The following PPP1R21 variants were observed in gnomAD, a reference collection of about 807,000 sequenced individuals.
PPP1R21 encodes the protein protein phosphatase 1 regulatory subunit 21, also known as KLRAQ motif containing 1.
PPP1R21 carries 85 observed loss-of-function variants against 112.8 expected under a neutral mutation model. The observed-to-expected ratio is 0.75, with a 90% CI of 0.63 to 0.90. The LOEUF (loss-of-function observed/expected upper bound fraction) is 0.90, where lower values mean the gene tolerates loss of function less well. Ranked by LOEUF, PPP1R21 falls within the 40% of genes least tolerant of loss-of-function variation. PPP1R21 has a pLI of 0.00. For synonymous variants in PPP1R21, 381 were observed against 322.3 expected (o/e 1.18, Z -1.95); for missense variants, 1,199 against 901.5 (o/e 1.33, Z -4.23).
At chr2:48,492,616 A>C (rs1484475230) in intron 15 of PPP1R21, among the ~76,000 whole-genome samples, 2 of 152,208 alleles carry the variant, frequency 1.3e-5, no homozygotes, top group East Asian at 1.9e-4. Flanking sequence ...ACATGGGTGG[A>C]ATATGAGAAG....
At chr2:48,500,979 A>G (rs1030885814) in intron 17 of PPP1R21, among the ~76,000 whole-genome samples, 3 of 152,258 alleles carry the variant, frequency 2.0e-5, no homozygotes, top group South Asian at 2.1e-4. Flanking sequence ...TTCATGACCA[A>G]TGGTCATGGT....
chr2:48,494,924 C>G (rs1183725129), intron 15 of PPP1R21, among the ~76,000 whole-genome samples: 2 of 152,080 alleles, frequency 1.3e-5, no homozygotes, highest in Non-Finnish European at 2.9e-5. Flanking sequence ...CCCGGCTGGT[C>G]TCGAACTCCT....
chr2:48,474,232 A>C (rs1435656302), intron 11 of PPP1R21, among the ~76,000 whole-genome samples: 1 of 152,106 alleles, frequency 6.6e-6, no homozygotes, highest in Non-Finnish European at 1.5e-5. Flanking sequence ...AAAGTACAAA[A>C]ATTAGCCGGG....
chr2:48,499,529 C>T (rs1409266434), intron 17 of PPP1R21, among the ~76,000 whole-genome samples: 1 of 152,100 alleles, frequency 6.6e-6, no homozygotes, highest in Non-Finnish European at 1.5e-5. Context: ...TTGAGACCAG[C>T]TGGGCAGCAT....
chr2:48,466,129 C>G (rs561084244), intron 9 of PPP1R21, among the ~76,000 whole-genome samples: 3 of 152,268 alleles, frequency 2.0e-5, no homozygotes, highest in Admixed American at 1.3e-4. Flanking sequence ...CCCACTGGGT[C>G]CCTCCCATAA....
At chr2:48,459,652 G>A in intron 4 of PPP1R21, 102 bp from the exon 5 acceptor site, 1 of 1,290,002 alleles carries the variant, frequency 7.8e-7, no homozygotes. Context: ...GTCAGCATAT[G>A]GAACCATGTG....
intron 9 of PPP1R21, among the ~76,000 whole-genome samples, chr2:48,468,479 A>C (rs1006989788): frequency 2.6e-5 from 4 of 152,152 alleles, no homozygotes; most frequent in African/African-American, 9.7e-5. Context: ...GCAACATTTT[A>C]ATGTAGTTAT....
chr2:48,453,697 G>GT (rs1667585848), intron 2 of PPP1R21, among the ~76,000 whole-genome samples: 1 of 152,178 alleles, frequency 6.6e-6, no homozygotes, highest in South Asian at 2.1e-4. Flanking sequence ...TGTCAAAAAG[G>GT]TTAGCAGAAT....
Position 48,491,032 on chromosome 2 carries a change from C to A in PPP1R21, c.1461C>A (p.Phe487Leu). The stretch of plus-strand genomic sequence containing the variant: ...ACTTTGTTTAGATTGCATCCTTCTT[C>A]AGCAACAATTTGGACTACTTCATTG... ...TNGAGKIASFFSNNLDYFIAS... is the reference protein window; with the variant it reads ...TNGAGKIASFLSNNLDYFIAS... Residue 487 changes from phenylalanine to leucine, a missense_variant, in exon 15 of 22, where the codon TTC becomes TTA. Coordinates refer to ENST00000294952, the MANE Select transcript of PPP1R21 (RefSeq NM_001135629.3). The A allele has an allele frequency of 6.2e-7, 1 of 1,613,990 alleles. No homozygotes were observed. The highest frequency in any genetic ancestry group is 8.5e-7 in the Non-Finnish European group (1 of 1,179,864).
In PPP1R21 at chr2:48,511,370, G is replaced by C. The variant is rs146723804; in HGVS notation, c.2215G>C (p.Glu739Gln). Residue 739 changes from glutamate (E) to glutamine (Q), a missense_variant, in exon 21 of 22, where the codon GAG becomes CAG. Transcript: ENST00000294952. ...GCTGACAACTACCAAGAGGAGTTACGAGGATCAGTTAAGTATGATGAGTGA... is the reference window on the plus strand; with the variant it reads ...GCTGACAACTACCAAGAGGAGTTACCAGGATCAGTTAAGTATGATGAGTGA... ...DELTTTKRSY[E>Q]DQLSMMSDHL... is the part of the protein sequence containing the mutation. 5 of 1,613,866 alleles carry C rather than the reference G, an allele frequency of 3.1e-6. No homozygotes were observed. The highest frequency in any genetic ancestry group is 2.2e-5 in the South Asian group (2 of 91,044).
intron 20 of PPP1R21, 58 bp downstream of exon 20, chr2:48,510,171 G>A (rs745768755): frequency 3.3e-5 from 42 of 1,289,078 alleles, no homozygotes; most frequent in Middle Eastern, 3.9e-4. Flanking sequence ...TTCTTTGGTA[G>A]CAAAGCAGCA....
Position 48,475,524 on chromosome 2 carries a change from A to G in PPP1R21, c.1225+705A>G, listed in dbSNP as rs113876037. Reference sequence around the variant, plus strand: ...GGGGAGCTTTAGTAGTAAAAATGCCATTTGTTCCCCTTTGGCCTAACTTCA... The same window carrying G: ...GGGGAGCTTTAGTAGTAAAAATGCCGTTTGTTCCCCTTTGGCCTAACTTCA... On this transcript the variant is annotated intron_variant, in intron 12 of 21. Transcript: ENST00000294952. Among the ~76,000 whole-genome samples the G allele has an allele frequency of 1.4e-3, 218 of 152,048 alleles. 1 individual carries two copies. The highest frequency in any genetic ancestry group is 5.1e-3 in the African/African-American group (210 of 41,476).
chr2:48,495,268 A>G (rs1319811712), intron 15 of PPP1R21, among the ~76,000 whole-genome samples: 1 of 151,836 alleles, frequency 6.6e-6, no homozygotes, highest in East Asian at 1.9e-4. Flanking sequence ...CAATGGCACA[A>G]TCTCTGCTCA....
intron 15 of PPP1R21, among the ~76,000 whole-genome samples, chr2:48,491,568 A>T (rs1362890824): frequency 6.6e-6 from 1 of 152,052 alleles, no homozygotes; most frequent in Non-Finnish European, 1.5e-5. Flanking sequence ...AAGAGAGAAG[A>T]TACTGCAGTA....
In PPP1R21 at chr2:48,465,592, AT is replaced by A; in HGVS notation, c.852del (p.Pro285LeufsTer12). On this transcript the variant is annotated frameshift_variant, in exon 9 of 22. Coordinates refer to ENST00000294952, the MANE Select transcript of PPP1R21 (RefSeq NM_001135629.3). LOFTEE classifies it high-confidence loss of function. ...TACCTACACAGAACAGAGGATTCAA[AT>A]TTTTCCTGTTGATTCTGCCATTGAC... ...FHTYTEQRIQ[I>X]FPVDSAIDTI... The A allele has an allele frequency of 3.7e-6, 6 of 1,613,848 alleles. No homozygotes were observed. Among genetic ancestry groups the A allele is most frequent in the Non-Finnish European group, 5.1e-6 (6 of 1,179,896 alleles).
intron 2 of PPP1R21, among the ~76,000 whole-genome samples, chr2:48,451,369 GCTT>G (rs1195600915): frequency 1.3e-5 from 2 of 152,186 alleles, no homozygotes; most frequent in African/African-American, 4.8e-5. Context: ...GATTATTAAG[GCTT>G]CTTATCAGTT....
intron 14 of PPP1R21, among the ~76,000 whole-genome samples, chr2:48,488,809 T>G (rs1401970171): frequency 6.6e-6 from 1 of 152,198 alleles, no homozygotes; most frequent in Non-Finnish European, 1.5e-5. Context: ...ATTAACCTAA[T>G]TTTACAGTTT....
At chr2:48,513,262 T>C (rs1670720794) in intron 21 of PPP1R21, among the ~76,000 whole-genome samples, 1 of 151,916 alleles carries the variant, frequency 6.6e-6, no homozygotes, top group Non-Finnish European at 1.5e-5. Flanking sequence ...TGGAGTGCAG[T>C]GGTGAGATCT....
intron 9 of PPP1R21, among the ~76,000 whole-genome samples, chr2:48,466,717 C>T (rs1322819232): frequency 6.6e-6 from 1 of 151,922 alleles, no homozygotes; most frequent in Non-Finnish European, 1.5e-5. Flanking sequence ...ACTTTTTCCC[C>T]CAGAAGAGAA....
Sources: gnomAD v4.1 joint callset for allele counts (sites outside exome capture counted in the v4.1 genomes callset) on GRCh38, gnomAD v4.1.1 for gene constraint, MANE v1.5 for transcripts, NCBI Gene and HGNC (gene_info 2026-07-23, HGNC 2026-07-21) for gene names.